Variants in ADGRB3 observed in about 807,000 individuals in gnomAD.
The protein encoded by ADGRB3 is brain-specific angiogenesis inhibitor 3.
A neutral mutation model predicts 193.4 loss-of-function variants in ADGRB3; 37 were observed. The ratio of observed to expected loss-of-function variants is 0.19; its 90% CI spans 0.15 to 0.25. The LOEUF (loss-of-function observed/expected upper bound fraction) is 0.25. ADGRB3 is among the 10% of genes least tolerant of loss of function. The probability of loss-of-function intolerance (pLI) is 1.00; values close to 1 mark genes in which losing one functional copy is unlikely to be tolerated. For synonymous variants in ADGRB3, 690 were observed against 644.2 expected (o/e 1.07, Z -1.08); for missense variants, 1,637 against 1,852.9 (o/e 0.88, Z 2.14).
intron 17 of ADGRB3, among the ~76,000 whole-genome samples, chr6:69,144,216 A>T (rs1252798734): frequency 6.6e-6 from 1 of 152,232 alleles, no homozygotes. Context: ...CTGTTGGCAT[A>T]TAGAAGTGCT....
chr6:69,030,148 A>T, intron 13 of ADGRB3, among the ~76,000 whole-genome samples: 1 of 152,004 alleles, frequency 6.6e-6, no homozygotes, highest in Non-Finnish European at 1.5e-5. Context: ...AAATAGGAAC[A>T]CTTTTACACT....
chr6:69,209,955 T>C (rs1212658944), intron 17 of ADGRB3, among the ~76,000 whole-genome samples: 1 of 151,442 alleles, frequency 6.6e-6, no homozygotes, highest in Non-Finnish European at 1.5e-5. Flanking sequence ...TTTTGAGGTC[T>C]AATCATATTA....
At chr6:69,371,698 T>C (rs1023573594) in intron 29 of ADGRB3, among the ~76,000 whole-genome samples, 1 of 152,138 alleles carries the variant, frequency 6.6e-6, no homozygotes, top group Admixed American at 6.5e-5. Flanking sequence ...ATTTTATTAA[T>C]GCATTTTATC....
At chr6:68,910,867 T>G (rs1268720688) in intron 3 of ADGRB3, among the ~76,000 whole-genome samples, 3 of 152,158 alleles carry the variant, frequency 2.0e-5, no homozygotes, top group Non-Finnish European at 1.5e-5. Flanking sequence ...TCTTTTGGCT[T>G]AGGATTGACT....
intron 3 of ADGRB3, among the ~76,000 whole-genome samples, chr6:68,776,644 A>C (rs1582192323): frequency 6.6e-6 from 1 of 152,280 alleles, no homozygotes; most frequent in East Asian, 1.9e-4. Flanking sequence ...ATTTCTGCCA[A>C]CATCACTCTC....
chr6:68,763,060 C>T (rs540664330), intron 3 of ADGRB3, among the ~76,000 whole-genome samples: 2 of 152,254 alleles, frequency 1.3e-5, no homozygotes, highest in East Asian at 3.9e-4. Flanking sequence ...CTGATACTCA[C>T]AAACATACAC....
At chr6:68,760,029 A>G (rs1766368024) in intron 3 of ADGRB3, among the ~76,000 whole-genome samples, 3 of 152,134 alleles carry the variant, frequency 2.0e-5, no homozygotes, top group Admixed American at 2.0e-4. Context: ...AACTTGGAAA[A>G]TTACATTTAA....
intron 8 of ADGRB3, among the ~76,000 whole-genome samples, chr6:68,971,919 C>T (rs1382959775): frequency 6.6e-6 from 1 of 152,224 alleles, no homozygotes; most frequent in East Asian, 1.9e-4. Flanking sequence ...TGCTGCTGCT[C>T]TCCCTAGGAG....
At chr6:69,117,051 AATATAT>A (rs901952656) in intron 17 of ADGRB3, among the ~76,000 whole-genome samples, 1 of 152,208 alleles carries the variant, frequency 6.6e-6, no homozygotes, top group African/African-American at 2.4e-5. Flanking sequence ...TTACAAAAGT[AATATAT>A]ATAACTTGAA....
intron 3 of ADGRB3, among the ~76,000 whole-genome samples, chr6:68,833,595 C>A (rs1477190951): frequency 8.1e-6 from 1 of 124,128 alleles, no homozygotes; most frequent in Non-Finnish European, 1.8e-5. Flanking sequence ...AGTATTTGAA[C>A]TTAGAATCTT....
At chr6:69,066,679 A>T (rs1317749112) in intron 16 of ADGRB3, among the ~76,000 whole-genome samples, 2 of 152,080 alleles carry the variant, frequency 1.3e-5, no homozygotes, top group Admixed American at 6.6e-5. Context: ...GTCATGACCT[A>T]TAAAGTTAGG....
rs1451989800 is a variant in ADGRB3 at position 68,993,835 on chromosome 6, C to T, written c.1802C>T (p.Thr601Ile). The T allele has an allele frequency of 1.9e-6, 3 of 1,613,872 alleles. No individual in the cohort carries two copies. In the African/African-American group the frequency reaches 4.0e-5, roughly 22 times the overall value. Reference protein sequence around the residue: ...AGDGMSQVTKTLLDLTQRKNF... With the variant: ...AGDGMSQVTKILLDLTQRKNF... The stretch of plus-strand genomic sequence containing the variant: ...GATGGAATGTCCCAGGTGACCAAGA[C>T]ACTGTTGGATTTAACTCAGAGAAAA... The change falls in exon 11 of 32, where the codon ACA becomes ATA. Residue 601 changes from threonine to isoleucine, a missense_variant. Thr to Ile is a moderately conservative substitution (Grantham distance 89, BLOSUM62 -1). This residue lies in a region of ADGRB3 where 641 missense variants were observed against 673.9 expected (regional missense o/e 0.95). Coordinates refer to ENST00000370598, the MANE Select transcript of ADGRB3 (RefSeq NM_001704.3).
At chr6:69,132,027 T>G (rs577986801) in intron 17 of ADGRB3, among the ~76,000 whole-genome samples, 2 of 152,344 alleles carry the variant, frequency 1.3e-5, no homozygotes, top group Admixed American at 1.3e-4. Flanking sequence ...AGTCTATCAT[T>G]GATGAGCATT....
intron 3 of ADGRB3, among the ~76,000 whole-genome samples, chr6:68,840,127 A>C (rs1007934306): frequency 3.9e-5 from 6 of 152,156 alleles, no homozygotes; most frequent in African/African-American, 1.4e-4. Flanking sequence ...AAGGCATTCT[A>C]GGCCACAAAG....
intron 3 of ADGRB3, among the ~76,000 whole-genome samples, chr6:68,675,284 T>C (rs889685821): frequency 6.6e-6 from 1 of 152,108 alleles, no homozygotes; most frequent in Admixed American, 6.5e-5. Flanking sequence ...AAAGGAAATA[T>C]GTGATAAGTT....
At chr6:69,089,883 A>G (rs1772656843) in intron 17 of ADGRB3, among the ~76,000 whole-genome samples, 1 of 152,144 alleles carries the variant, frequency 6.6e-6, no homozygotes, top group Non-Finnish European at 1.5e-5. Context: ...ATATTACCAA[A>G]TGTTCGTGAG....
At chr6:68,722,555 A>G (rs952469124) in intron 3 of ADGRB3, among the ~76,000 whole-genome samples, 2 of 151,524 alleles carry the variant, frequency 1.3e-5, no homozygotes, top group Non-Finnish European at 3.0e-5. Context: ...AGATGAAGTT[A>G]TATACCACCT....
chr6:68,753,797 G>T (rs978358352), intron 3 of ADGRB3, among the ~76,000 whole-genome samples: 1 of 152,238 alleles, frequency 6.6e-6, no homozygotes, highest in African/African-American at 2.4e-5. Flanking sequence ...GGGACGCTGG[G>T]TGTATTCGCA....
chr6:69,056,573 A>G (rs1771550806), intron 15 of ADGRB3, among the ~76,000 whole-genome samples: 2 of 151,918 alleles, frequency 1.3e-5, no homozygotes. Flanking sequence ...GTATTTCTCT[A>G]TGTTTTCTTT....
Sources: allele counts gnomAD v4.1 joint callset (sites outside exome capture counted in the v4.1 genomes callset), GRCh38; gene constraint gnomAD v4.1.1; regional missense constraint gnomAD v4.1.1; transcripts MANE v1.5; gene names NCBI Gene and HGNC (gene_info 2026-07-23, HGNC 2026-07-21).